The following NCAM1 variants were observed in gnomAD, a reference collection of about 807,000 sequenced individuals.
The protein encoded by NCAM1 is antigen recognized by monoclonal antibody 5.1H11.
NCAM1 carries 14 observed loss-of-function variants against 109.8 expected under a neutral mutation model. The observed-to-expected ratio is 0.13, with a 90% confidence interval of 0.08 to 0.20. The LOEUF (loss-of-function observed/expected upper bound fraction) is 0.20, where lower values mean the gene tolerates loss of function less well. Ranked by LOEUF, NCAM1 falls within the 10% of genes least tolerant of loss-of-function variation. The probability of loss-of-function intolerance (pLI) is 1.00; values close to 1 mark genes in which losing one functional copy is unlikely to be tolerated. For synonymous variants in NCAM1, 418 were observed against 442.9 expected, an observed-to-expected ratio of 0.94 and a Z score of 0.70; for missense variants, 774 against 1,109.9, an observed-to-expected ratio of 0.70 and a Z score of 4.30.
chr11:113,101,399 G>A (rs1939866588), intron 1 of NCAM1, among the ~76,000 whole-genome samples: 1 of 152,140 alleles, frequency 6.6e-6, no homozygotes, highest in South Asian at 2.1e-4. Context: ...TTAATAGCAT[G>A]GTTATTTTCC....
intron 1 of NCAM1, among the ~76,000 whole-genome samples, chr11:113,062,466 G>A (rs561106784): frequency 2.0e-5 from 3 of 152,232 alleles, no homozygotes; most frequent in African/African-American, 4.8e-5. Flanking sequence ...CAAAACCAAC[G>A]TGTTATCTGC....
At chr11:113,041,691 T>G (rs1033286672) in intron 1 of NCAM1, among the ~76,000 whole-genome samples, 6 of 151,958 alleles carry the variant, frequency 3.9e-5, no homozygotes, top group Non-Finnish European at 8.8e-5. Context: ...AAAAAAAAAT[T>G]ATTTTAAGAT....
intron 1 of NCAM1, among the ~76,000 whole-genome samples, chr11:113,066,972 C>A (rs1282744535): frequency 1.4e-5 from 2 of 146,776 alleles, no homozygotes; most frequent in African/African-American, 5.1e-5. Context: ...CCACTGCACT[C>A]CGGCCTGGGT....
Position 113,271,752 on chromosome 11 carries a change from C to T in NCAM1, c.2340-8C>T, listed in dbSNP as rs1167186697. 3 of 1,551,836 alleles carry T rather than the reference C, an allele frequency of 1.9e-6. No homozygotes were observed. Among genetic ancestry groups the T allele is most frequent in the Non-Finnish European group, 2.6e-6 (3 of 1,146,838 alleles). ...CCTAGGGTCTAACCAGCAGTACTGT[C>T]TCCACAGGAAAGATGAGTCCAAGGA... On this transcript the variant is annotated splice_region_variant and splice_polypyrimidine_tract_variant and intron_variant, in intron 18 of 19. Transcript: ENST00000316851.
intron 1 of NCAM1, among the ~76,000 whole-genome samples, chr11:112,998,273 A>T (rs1250234557): frequency 6.6e-6 from 1 of 152,198 alleles, no homozygotes; most frequent in Non-Finnish European, 1.5e-5. Flanking sequence ...AACTGTGGTC[A>T]GTTCACCAAG....
At chr11:113,227,222 A>C (rs1333363128) in intron 9 of NCAM1, among the ~76,000 whole-genome samples, 1 of 151,616 alleles carries the variant, frequency 6.6e-6, no homozygotes, top group African/African-American at 2.4e-5. Flanking sequence ...AGAATCAAAT[A>C]GATGCAATAA....
At chr11:113,103,086 TGGTTGATAA>T (rs1555091824) in intron 1 of NCAM1, among the ~76,000 whole-genome samples, 1 of 152,242 alleles carries the variant, frequency 6.6e-6, no homozygotes, top group African/African-American at 2.4e-5. Context: ...AGATAGGGAC[TGGTTGATAA>T]ACACATGCAA....
chr11:113,179,874 G>A (rs1404764899), intron 1 of NCAM1, among the ~76,000 whole-genome samples: 1 of 152,110 alleles, frequency 6.6e-6, no homozygotes, highest in East Asian at 1.9e-4. Context: ...GAGGCATCTT[G>A]GTTAATAAGA....
intron 1 of NCAM1, among the ~76,000 whole-genome samples, chr11:113,033,858 T>G (rs1555078700): frequency 6.6e-6 from 1 of 152,210 alleles, no homozygotes; most frequent in Admixed American, 6.5e-5. Flanking sequence ...TTTATAAAGT[T>G]GGTTGGCCAG....
chr11:112,981,656 T>A (rs1951157968), intron 1 of NCAM1, among the ~76,000 whole-genome samples: 1 of 151,862 alleles, frequency 6.6e-6, no homozygotes, highest in Admixed American at 6.6e-5. Flanking sequence ...TCCACTAGGA[T>A]GCTTTGGTGT....
At chr11:113,002,526 G>C (rs561403178) in intron 1 of NCAM1, among the ~76,000 whole-genome samples, 1 of 152,298 alleles carries the variant, frequency 6.6e-6, no homozygotes, top group East Asian at 1.9e-4. Context: ...TGAGAGGGAA[G>C]ATTAGAATCT....
At chr11:112,967,024 C>T (rs542371014) in intron 1 of NCAM1, among the ~76,000 whole-genome samples, 6 of 152,294 alleles carry the variant, frequency 3.9e-5, no homozygotes, top group South Asian at 2.1e-4. Flanking sequence ...TCCATATATA[C>T]GTAACACTTT....
chr11:113,076,838 C>G (rs1289413549), intron 1 of NCAM1, among the ~76,000 whole-genome samples: 1 of 152,180 alleles, frequency 6.6e-6, no homozygotes, highest in Non-Finnish European at 1.5e-5. Flanking sequence ...ATTTAATACT[C>G]TTGATTATGT....
chr11:113,050,680 G>A (rs1218365743), intron 1 of NCAM1, among the ~76,000 whole-genome samples: 1 of 151,714 alleles, frequency 6.6e-6, no homozygotes, highest in Non-Finnish European at 1.5e-5. Flanking sequence ...AAAAAATGTA[G>A]TTCGATATTC....
intron 1 of NCAM1, among the ~76,000 whole-genome samples, chr11:113,199,308 C>T (rs1394996595): frequency 6.6e-6 from 1 of 151,984 alleles, no homozygotes; most frequent in Non-Finnish European, 1.5e-5. Context: ...AAAATAGTAA[C>T]AGAGTAGGAA....
At chr11:113,023,569 C>A (rs1034417016) in intron 1 of NCAM1, among the ~76,000 whole-genome samples, 1 of 152,104 alleles carries the variant, frequency 6.6e-6, no homozygotes, top group African/African-American at 2.4e-5. Flanking sequence ...CACAGTTTTC[C>A]TTTAAAAGAA....
At chr11:113,236,524 G>A (rs1945172341) in intron 14 of NCAM1, among the ~76,000 whole-genome samples, 1 of 152,174 alleles carries the variant, frequency 6.6e-6, no homozygotes. Context: ...TCCTGTTTTA[G>A]AGCATGCAAC....
intron 1 of NCAM1, among the ~76,000 whole-genome samples, chr11:113,113,383 C>T (rs1457007695): frequency 6.6e-6 from 1 of 152,158 alleles, no homozygotes; most frequent in African/African-American, 2.4e-5. Flanking sequence ...TAAGCAATGT[C>T]CTGCCCTATA....
rs1054009066 is a variant in NCAM1 at position 113,275,474 on chromosome 11, G to A, written c.*87G>A. 3.0e-5 allele frequency: 44 copies of A among 1,468,304 alleles called. No homozygotes were observed. The highest frequency in any genetic ancestry group is 1.2e-4 in the Admixed American group (6 of 49,698). 91.0% of individuals were successfully genotyped at this position (1,468,304 alleles called of 1,614,324 possible). ...TTTCCAACACCACAGACACACACAC[G>A]CACGCACACACACAAACACACATGC... On this transcript the variant is annotated 3_prime_UTR_variant, in exon 20 of 20. Transcript: ENST00000316851.
Sources: gnomAD v4.1 joint callset for allele counts (sites outside exome capture counted in the v4.1 genomes callset) on GRCh38, gnomAD v4.1.1 for gene constraint, MANE v1.5 for transcripts, NCBI Gene and HGNC (gene_info 2026-07-23, HGNC 2026-07-21) for gene names.